The following NTM variants were observed in gnomAD, a reference collection of about 807,000 sequenced individuals.
The protein encoded by NTM is neurotrimin.
NTM carries 13 observed loss-of-function variants against 42.1 expected under a neutral mutation model. That is an observed-to-expected ratio of 0.31 (90% CI 0.20 to 0.49). The LOEUF (loss-of-function observed/expected upper bound fraction) is 0.49, where lower values mean the gene tolerates loss of function less well. Among genes scored for constraint, NTM ranks in the 20% least tolerant of loss-of-function variants. NTM has a pLI of 0.99. For missense variants in NTM, 373 were observed against 452.8 expected (o/e 0.82, Z 1.60); for synonymous variants, 187 against 179.2 (o/e 1.04, Z -0.35).
intron 2 of NTM, among the ~76,000 whole-genome samples, chr11:132,087,340 A>T (rs1340817437): frequency 6.6e-6 from 1 of 152,112 alleles, no homozygotes; most frequent in African/African-American, 2.4e-5. Context: ...CATGACCTTT[A>T]TCCATGAAAC....
At chr11:132,314,955 A>G in intron 7 of NTM, 3 of 1,206,098 alleles carry the variant, frequency 2.5e-6, no homozygotes, top group Non-Finnish European at 2.1e-6. Context: ...TGTATAGTAC[A>G]TGTATAAAAG....
At chr11:131,448,090 G>A (rs1006697879) in intron 1 of NTM, among the ~76,000 whole-genome samples, 7 of 152,198 alleles carry the variant, frequency 4.6e-5, no homozygotes, top group South Asian at 2.1e-4. Context: ...CTCTCAGCAC[G>A]TGTGCTTCCA....
At position 131,428,880 on chromosome 11, in the gene NTM, CAAA is replaced by C. The variant is rs35312475; in HGVS notation, c.82+58015_82+58017del. Among the ~76,000 whole-genome samples the C allele has an allele frequency of 9.9e-3, 835 of 83,986 alleles. 3 individuals carry two copies. Among genetic ancestry groups the C allele is most frequent in the Middle Eastern group, 0.031 (4 of 128 alleles). 55.1% of individuals were successfully genotyped at this position (83,986 alleles called of 152,430 possible). A position where few individuals can be genotyped will look rare whatever the true frequency, so the allele number is the denominator to read the frequency against. ...TGAAACCCCATCTCTACTAAAAATACAAAAAAAAAAAAAAAAAAAAAAAAATTA... is the reference window on the plus strand; with the variant it reads ...TGAAACCCCATCTCTACTAAAAATACAAAAAAAAAAAAAAAAAAAAAATTA... On this transcript the variant is annotated intron_variant, in intron 1 of 8. Coordinates refer to ENST00000683400, the MANE Select transcript of NTM (RefSeq NM_001352005.2).
intron 1 of NTM, among the ~76,000 whole-genome samples, chr11:131,704,648 C>A (rs1399680093): frequency 6.6e-6 from 1 of 152,114 alleles, no homozygotes; most frequent in Admixed American, 6.5e-5. Flanking sequence ...AAATGGAGAT[C>A]TACAAACTTC....
At chr11:132,233,954 C>G (rs1484262303) in intron 4 of NTM, among the ~76,000 whole-genome samples, 1 of 152,220 alleles carries the variant, frequency 6.6e-6, no homozygotes, top group Non-Finnish European at 1.5e-5. Flanking sequence ...TCCTCCCTGG[C>G]TTGTAGATGT....
At chr11:132,185,027 T>A (rs1294985644) in intron 3 of NTM, among the ~76,000 whole-genome samples, 1 of 152,228 alleles carries the variant, frequency 6.6e-6, no homozygotes, top group Non-Finnish European at 1.5e-5. Context: ...AGGAGTGGCA[T>A]CCTTATGAGG....
chr11:131,738,873 A>G (rs1342486860), intron 1 of NTM, among the ~76,000 whole-genome samples: 4 of 152,200 alleles, frequency 2.6e-5, no homozygotes, highest in Admixed American at 6.5e-5. Context: ...GTCAGACTTC[A>G]TATGTCAGAA....
intron 1 of NTM, among the ~76,000 whole-genome samples, chr11:131,712,199 AAAAC>A (rs145266075): frequency 1.3e-5 from 2 of 149,416 alleles, no homozygotes; most frequent in African/African-American, 2.5e-5. Flanking sequence ...AAAAAACCCC[AAAAC>A]AAACAAAAAG....
chr11:132,104,953 A>G (rs1315879587), intron 2 of NTM, among the ~76,000 whole-genome samples: 9,803 of 83,514 alleles, frequency 0.12, 1,461 homozygotes, highest in South Asian at 0.13. Flanking sequence ...ATATATATAT[A>G]TATATATATA....
intron 3 of NTM, among the ~76,000 whole-genome samples, chr11:132,188,285 C>T (rs1029349659): frequency 5.9e-5 from 9 of 152,180 alleles, no homozygotes; most frequent in African/African-American, 1.7e-4. Context: ...CTAACCCAAA[C>T]GCCTCCTTTT....
intron 1 of NTM, among the ~76,000 whole-genome samples, chr11:131,554,723 T>C (rs2055169670): frequency 6.6e-6 from 1 of 152,166 alleles, no homozygotes; most frequent in Non-Finnish European, 1.5e-5. Flanking sequence ...CTTTGAGGTA[T>C]ATCAAAAGTA....
chr11:131,905,469 C>T (rs908647098), intron 1 of NTM, among the ~76,000 whole-genome samples: 20 of 152,230 alleles, frequency 1.3e-4, no homozygotes, highest in Admixed American at 3.9e-4. Flanking sequence ...CGTCTTGGGT[C>T]GTGTAGCGTC....
chr11:132,238,172 A>G (rs2089447909), intron 4 of NTM, among the ~76,000 whole-genome samples: 1 of 152,012 alleles, frequency 6.6e-6, no homozygotes, highest in Non-Finnish European at 1.5e-5. Flanking sequence ...TATACCCTTA[A>G]TCGGCGAGGA....
intron 1 of NTM, among the ~76,000 whole-genome samples, chr11:131,565,783 C>A (rs1213496355): frequency 6.6e-6 from 1 of 152,196 alleles, no homozygotes; most frequent in Admixed American, 6.5e-5. Flanking sequence ...CACCCTGGAC[C>A]TGGGGCACCT....
At chr11:131,805,732 GAACA>G (rs1000465526) in intron 1 of NTM, among the ~76,000 whole-genome samples, 1 of 152,052 alleles carries the variant, frequency 6.6e-6, no homozygotes, top group African/African-American at 2.4e-5. Context: ...GTCAATAATA[GAACA>G]AAACTCCCGG....
At chr11:132,093,744 G>A (rs1210420003) in intron 2 of NTM, among the ~76,000 whole-genome samples, 1 of 152,160 alleles carries the variant, frequency 6.6e-6, no homozygotes, top group Admixed American at 6.5e-5. Flanking sequence ...TGCTTCCTGA[G>A]GGCTGTGACA....
At chr11:131,970,816 A>G (rs2063435018) in intron 2 of NTM, among the ~76,000 whole-genome samples, 1 of 152,190 alleles carries the variant, frequency 6.6e-6, no homozygotes, top group African/African-American at 2.4e-5. Flanking sequence ...TTGATCCCCA[A>G]AAGTGTTATC....
intron 1 of NTM, chr11:131,660,355 T>A (rs1288722341): frequency 5.1e-6 from 2 of 392,972 alleles, no homozygotes; most frequent in East Asian, 7.3e-5. Flanking sequence ...GGTGAATTCA[T>A]TCACACCCAA....
At chr11:131,475,256 T>G (rs1952809857) in intron 1 of NTM, among the ~76,000 whole-genome samples, 1 of 152,242 alleles carries the variant, frequency 6.6e-6, no homozygotes, top group African/African-American at 2.4e-5. Flanking sequence ...TGGTGGGGCT[T>G]GAGGAAGCTG....
Sources: gnomAD v4.1 joint callset for allele counts (sites outside exome capture counted in the v4.1 genomes callset) on GRCh38, gnomAD v4.1.1 for gene constraint, MANE v1.5 for transcripts, NCBI Gene and HGNC (gene_info 2026-07-23, HGNC 2026-07-21) for gene names.